DPF3: variants seen among roughly 807,000 people sequenced by gnomAD.
DPF3 encodes the protein zinc finger protein DPF3.
Under a neutral mutation model 56.8 loss-of-function variants are expected in DPF3, and 18 were observed. That is an observed-to-expected ratio of 0.32 (90% CI 0.22 to 0.47). The LOEUF (loss-of-function observed/expected upper bound fraction) is 0.47. Ranked by LOEUF, DPF3 falls within the 20% of genes least tolerant of loss-of-function variation. DPF3 has a pLI of 1.00. For synonymous variants in DPF3, 188 were observed against 180.2 expected, an observed-to-expected ratio of 1.04 and a Z score of -0.35; for missense variants, 403 against 488.8, an observed-to-expected ratio of 0.82 and a Z score of 1.65.
chr14:72,880,296 G>A (rs1223105186), intron 1 of DPF3, among the ~76,000 whole-genome samples: 2 of 152,156 alleles, frequency 1.3e-5, no homozygotes, highest in South Asian at 4.1e-4. Context: ...GCATATTGGA[G>A]TCCCTAAATG....
At chr14:72,629,853 T>C (rs1349392662) in intron 8 of DPF3, 117 bp from the exon 9 acceptor site, 2 of 850,492 alleles carry the variant, frequency 2.4e-6, no homozygotes, top group Non-Finnish European at 3.7e-6. Flanking sequence ...TAGCATGACG[T>C]AGGGAAAAAA....
At chr14:72,877,757 A>G (rs1273456754) in intron 1 of DPF3, among the ~76,000 whole-genome samples, 2 of 152,196 alleles carry the variant, frequency 1.3e-5, no homozygotes, top group Non-Finnish European at 2.9e-5. Flanking sequence ...TCATAAAACT[A>G]TAGATTAGCG....
chr14:72,617,779 G>A lies in DPF3; in HGVS notation c.*1518C>T, dbSNP rs1426734645. On this transcript the variant is annotated 3_prime_UTR_variant, in exon 11 of 11. Transcript: ENST00000556509. ...GGTGGCCCAACTAGCCCGAGTCTCCGGGAGCGTCCTCAGGAGCTGAAGAAC... is the reference window on the plus strand; with the variant it reads ...GGTGGCCCAACTAGCCCGAGTCTCCAGGAGCGTCCTCAGGAGCTGAAGAAC... Among the ~76,000 whole-genome samples the A allele has an allele frequency of 6.6e-6, 1 of 152,164 alleles. No homozygotes were observed. The highest frequency in any genetic ancestry group is 1.5e-5 in the Non-Finnish European group (1 of 68,022).
intron 1 of DPF3, among the ~76,000 whole-genome samples, chr14:72,777,002 CCT>C (rs1229949714): frequency 6.6e-6 from 1 of 152,188 alleles, no homozygotes; most frequent in African/African-American, 2.4e-5. Flanking sequence ...CTCCACTCCC[CCT>C]GTGTGGCCCC....
intron 8 of DPF3, among the ~76,000 whole-genome samples, chr14:72,667,976 A>C (rs1002438606): frequency 6.6e-6 from 1 of 152,208 alleles, no homozygotes; most frequent in Non-Finnish European, 1.5e-5. Context: ...TCTTAACCTT[A>C]TTACTAACCT....
In DPF3 at chr14:72,791,988, A is replaced by T. The variant is rs536402502; in HGVS notation, c.33-20095T>A. 4.5e-4 allele frequency among the ~76,000 whole-genome samples: 68 copies of T among 152,322 alleles called. No individual in the cohort carries two copies. The South Asian group carries it at 6.8e-3, about 15-fold the overall frequency. ...CAGGATGACAGTTAGGATAAAGGGC[A>T]CAGAGGGCTCCATGCTGCCTAGAGT... On this transcript the variant is annotated intron_variant, in intron 1 of 10. Coordinates refer to ENST00000556509, the MANE Select transcript of DPF3 (RefSeq NM_001280542.3).
intron 6 of DPF3, among the ~76,000 whole-genome samples, chr14:72,697,839 G>C (rs1887971525): frequency 6.6e-6 from 1 of 152,126 alleles, no homozygotes; most frequent in African/African-American, 2.4e-5. Flanking sequence ...AGAAAGCAAG[G>C]AGGAACCCAG....
At chr14:72,741,057 A>T (rs1890103767) in intron 3 of DPF3, among the ~76,000 whole-genome samples, 1 of 152,054 alleles carries the variant, frequency 6.6e-6, no homozygotes, top group South Asian at 2.1e-4. Flanking sequence ...ATAAATAAAT[A>T]AAATAAAATG....
At chr14:72,744,749 C>T (rs1470801649) in intron 3 of DPF3, among the ~76,000 whole-genome samples, 1 of 152,028 alleles carries the variant, frequency 6.6e-6, no homozygotes, top group Non-Finnish European at 1.5e-5. Context: ...CTGCTGGACT[C>T]AGGCAGGGAC....
At chr14:72,645,750 C>G (rs1228420909) in intron 8 of DPF3, among the ~76,000 whole-genome samples, 2 of 152,082 alleles carry the variant, frequency 1.3e-5, no homozygotes, top group East Asian at 1.9e-4. Flanking sequence ...CACCATACCA[C>G]AGAAAAGTAT....
intron 3 of DPF3, among the ~76,000 whole-genome samples, chr14:72,747,617 C>T (rs972191828): frequency 1.4e-5 from 2 of 146,198 alleles, no homozygotes; most frequent in Admixed American, 7.0e-5. Context: ...GTGAGACCCC[C>T]GTCTCTACAA....
intron 1 of DPF3, among the ~76,000 whole-genome samples, chr14:72,779,352 C>T (rs1891876958): frequency 6.6e-6 from 1 of 152,234 alleles, no homozygotes; most frequent in African/African-American, 2.4e-5. Flanking sequence ...GGTGGCCTAA[C>T]TGCAAGCGCT....
intron 9 of DPF3, among the ~76,000 whole-genome samples, chr14:72,628,928 A>T (rs2526926): frequency 0.2 from 30,922 of 152,176 alleles, 4,288 homozygotes; most frequent in African/African-American, 0.39. Context: ...GCTATATGTA[A>T]GTTTATATGC....
chr14:72,660,734 A>G, intron 8 of DPF3, among the ~76,000 whole-genome samples: 1 of 152,158 alleles, frequency 6.6e-6, no homozygotes, highest in East Asian at 1.9e-4. Context: ...CAATCCATCA[A>G]TTTTGGCCAT....
At chr14:72,827,378 C>T (rs1397354964) in intron 1 of DPF3, among the ~76,000 whole-genome samples, 1 of 151,700 alleles carries the variant, frequency 6.6e-6, no homozygotes, top group Non-Finnish European at 1.5e-5. Context: ...GCTGTGTTTG[C>T]TTCCTACACC....
At chr14:72,709,510 G>A (rs1320164547) in intron 6 of DPF3, among the ~76,000 whole-genome samples, 5 of 152,146 alleles carry the variant, frequency 3.3e-5, no homozygotes, top group East Asian at 1.9e-4. Context: ...ATTGCCCATC[G>A]ACAGCGGCCA....
At chr14:72,780,198 C>T (rs1258815660) in intron 1 of DPF3, among the ~76,000 whole-genome samples, 3 of 152,192 alleles carry the variant, frequency 2.0e-5, no homozygotes, top group Non-Finnish European at 1.5e-5. Context: ...TGTATTCTGT[C>T]CTTGTCCTGG....
chr14:72,693,939 A>G (rs1266049660), intron 6 of DPF3, among the ~76,000 whole-genome samples: 2 of 152,230 alleles, frequency 1.3e-5, no homozygotes, highest in African/African-American at 2.4e-5. Flanking sequence ...ATCCTTGGTG[A>G]GTGTAGTCAC....
At chr14:72,637,177 G>GCCATTC in intron 8 of DPF3, among the ~76,000 whole-genome samples, 1 of 152,182 alleles carries the variant, frequency 6.6e-6, no homozygotes, top group Admixed American at 6.5e-5. Flanking sequence ...TTCTCAAATG[G>GCCATTC]TCCTAGAAAT....
Sources: gnomAD v4.1 joint callset for allele counts (sites outside exome capture counted in the v4.1 genomes callset) on GRCh38, gnomAD v4.1.1 for gene constraint, MANE v1.5 for transcripts, NCBI Gene and HGNC (gene_info 2026-07-23, HGNC 2026-07-21) for gene names.